Variants in C14orf39 observed in about 807,000 individuals in gnomAD.
C14orf39 encodes the protein chromosome 14 open reading frame 39, also known as protein SIX6OS1.
A neutral mutation model predicts 85.6 loss-of-function variants in C14orf39; 66 were observed. The observed-to-expected ratio is 0.77, with a 90% CI of 0.63 to 0.95. The LOEUF is 0.95. Ranked by LOEUF, C14orf39 falls within the 40% of genes least tolerant of loss-of-function variation. The pLI is 0.00. For missense variants in C14orf39, 735 were observed against 663.9 expected (o/e 1.11, Z -1.18); for synonymous variants, 242 against 214.0 (o/e 1.13, Z -1.14).
At position 60,509,489 on chromosome 14, in the gene C14orf39, G is replaced by C. The variant is rs1296136036; in HGVS notation, c.-144+5906C>G. 2.5e-6 allele frequency: 4 copies of C among 1,602,368 alleles called. No homozygotes were observed. The African/African-American group carries it at 5.3e-5, about 21-fold the overall frequency. On this transcript the variant is annotated intron_variant, in intron 1 of 5. Transcript: ENST00000556799. ...AGAGAGCGGCGATGTGGAGCGCCTG[G>C]GTCGCTTCCTCTGGTCGCTGCCCGT...
intron 16 of C14orf39, among the ~76,000 whole-genome samples, chr14:60,453,492 T>C (rs1228691601): frequency 6.6e-6 from 1 of 151,840 alleles, no homozygotes; most frequent in Non-Finnish European, 1.5e-5. Flanking sequence ...TTGCTTTTTT[T>C]TTTTCCATTC....
At position 60,435,962 on chromosome 14, in the gene C14orf39, C is replaced by CA. The variant is rs1285329032; in HGVS notation, c.*882dup. On this transcript the variant is annotated 3_prime_UTR_variant, in exon 18 of 18. Coordinates refer to ENST00000321731, the MANE Select transcript of C14orf39 (RefSeq NM_174978.3). ...CAACAGTCACATCAAAATATGGAGTCAAACCCTTTATTACTTGGTAACTCA... is the reference window on the plus strand; with the variant it reads ...CAACAGTCACATCAAAATATGGAGTCAAAACCCTTTATTACTTGGTAACTCA... 18 of 152,048 alleles carry CA rather than the reference C, an allele frequency of 1.2e-4. No homozygotes were observed. Among genetic ancestry groups the CA allele is most frequent in the Non-Finnish European group, 2.4e-4 (16 of 68,006 alleles). 9.4% of individuals were successfully genotyped at this position (152,048 alleles called of 1,614,324 possible).
At chr14:60,438,163 A>G (rs1033752529) in intron 17 of C14orf39, among the ~76,000 whole-genome samples, 2 of 152,012 alleles carry the variant, frequency 1.3e-5, no homozygotes, top group Non-Finnish European at 2.9e-5. Flanking sequence ...CATATATTTA[A>G]TAACTTTATT....
At chr14:60,438,641 G>A (rs1047462496) in intron 17 of C14orf39, among the ~76,000 whole-genome samples, 1 of 152,066 alleles carries the variant, frequency 6.6e-6, no homozygotes, top group Non-Finnish European at 1.5e-5. Context: ...TATAAATAAT[G>A]ATGGTAGAAT....
chr14:60,443,907 G>A (rs1452245689), intron 16 of C14orf39, among the ~76,000 whole-genome samples: 1 of 152,232 alleles, frequency 6.6e-6, no homozygotes, highest in Non-Finnish European at 1.5e-5. Context: ...GGCAAACAGG[G>A]TCTGGAGTGG....
intron 5 of C14orf39, among the ~76,000 whole-genome samples, chr14:60,476,972 G>A (rs749142776): frequency 7.9e-5 from 12 of 152,228 alleles, no homozygotes; most frequent in Non-Finnish European, 1.3e-4. Flanking sequence ...ACAAATGTGC[G>A]GGATACATAG....
At position 60,442,105 on chromosome 14, in the gene C14orf39, A is replaced by G; in HGVS notation, c.1530T>C (p.Asn510=). 6.2e-7 allele frequency: 1 copy of G among 1,610,312 alleles called. No homozygotes were observed. Among genetic ancestry groups the G allele is most frequent in the Non-Finnish European group, 8.5e-7 (1 of 1,177,356 alleles). The change falls in exon 17 of 18, where the codon AAT becomes AAC. Residue 510 remains asparagine, a synonymous_variant. Transcript: ENST00000321731. ...DQFNEHYSAR[N]LNPLSSEQEI... The stretch of plus-strand genomic sequence containing the variant: ...CTTGCTCTGATGACAGAGGATTTAG[A>G]TTTCTTGCAGAATAATGTTCATTAA...
chr14:60,481,458 A>G (rs1892634920), intron 4 of C14orf39, among the ~76,000 whole-genome samples: 1 of 152,074 alleles, frequency 6.6e-6, no homozygotes, highest in South Asian at 2.1e-4. Context: ...GGAGTTCGAG[A>G]CCAGCCTGAG....
At chr14:60,463,674 C>A (rs1039644880) in intron 11 of C14orf39, among the ~76,000 whole-genome samples, 1 of 152,058 alleles carries the variant, frequency 6.6e-6, no homozygotes, top group African/African-American at 2.4e-5. Context: ...CTTTATCTTG[C>A]TAGTTTTTTG....
chr14:60,445,711 C>T (rs1890734270), intron 16 of C14orf39, among the ~76,000 whole-genome samples: 1 of 152,164 alleles, frequency 6.6e-6, no homozygotes, highest in Admixed American at 6.5e-5. Flanking sequence ...ACCAAATGGG[C>T]CTAATAGACA....
intron 16 of C14orf39, among the ~76,000 whole-genome samples, chr14:60,446,217 C>A (rs533554357): frequency 6.6e-6 from 1 of 152,068 alleles, no homozygotes; most frequent in Non-Finnish European, 1.5e-5. Context: ...AAGATCAGAG[C>A]AGAACTGAAG....
In C14orf39 at chr14:60,511,587, A is replaced by C. The variant is rs1893295255; in HGVS notation, c.-144+3808T>G. On this transcript the variant is annotated intron_variant, in intron 1 of 5. Transcript: ENST00000556799. ...GCCCAGATTCTCCCATGGGTATTTC[A>C]CGTCGAAAGGACGCTGTTACATATG... 1.0e-5 allele frequency: 5 copies of C among 489,558 alleles called. No homozygotes were observed. The East Asian group carries it at 1.9e-4, about 19-fold the overall frequency. 30.3% of individuals were successfully genotyped at this position (489,558 alleles called of 1,614,324 possible). A position where few individuals can be genotyped will look rare whatever the true frequency, so the allele number is the denominator to read the frequency against.
rs145125173 is a variant in C14orf39, at chr14:60,446,591, C to T, written c.1504-4460G>A. Among the ~76,000 whole-genome samples, 853 of 152,118 alleles carry T rather than the reference C, an allele frequency of 5.6e-3. 2 individuals are homozygous for T. The highest frequency in any genetic ancestry group is 0.018 in the African/African-American group (761 of 41,518). On this transcript the variant is annotated intron_variant, in intron 16 of 17. Coordinates refer to ENST00000321731, the MANE Select transcript of C14orf39 (RefSeq NM_174978.3). ...CAACCAAAAAAAGTCCAGGACCAGA[C>T]GGAATCACAACCAAATTCTACCACA...
chr14:60,470,448 T>G (rs1179434934), intron 7 of C14orf39, among the ~76,000 whole-genome samples: 1 of 151,938 alleles, frequency 6.6e-6, no homozygotes, highest in African/African-American at 2.4e-5. Flanking sequence ...ATAAGTCTAT[T>G]ATTATCAAGT....
intron 1 of C14orf39, chr14:60,509,965 G>A: frequency 3.1e-6 from 5 of 1,600,572 alleles, no homozygotes; most frequent in East Asian, 4.6e-5. Flanking sequence ...CTGCAGCCAA[G>A]AACAGGTCGG....
chr14:60,479,547 T>G (rs1015907416), intron 4 of C14orf39, among the ~76,000 whole-genome samples: 1 of 152,178 alleles, frequency 6.6e-6, no homozygotes, highest in Non-Finnish European at 1.5e-5. Context: ...AAATAAAAAT[T>G]GGAATTATTT....
intron 16 of C14orf39, among the ~76,000 whole-genome samples, chr14:60,443,853 T>C (rs1890636702): frequency 6.6e-6 from 1 of 152,170 alleles, no homozygotes; most frequent in Non-Finnish European, 1.5e-5. Context: ...ATATTTGCTG[T>C]TCTGCAATAT....
intron 11 of C14orf39, among the ~76,000 whole-genome samples, chr14:60,462,345 C>T (rs891645166): frequency 1.3e-5 from 2 of 152,038 alleles, no homozygotes; most frequent in African/African-American, 2.4e-5. Context: ...GCCATGATCG[C>T]GCCACTACAC....
chr14:60,507,029 C>A (rs1247107157), intron 1 of C14orf39, among the ~76,000 whole-genome samples: 2 of 152,156 alleles, frequency 1.3e-5, no homozygotes, highest in Non-Finnish European at 2.9e-5. Flanking sequence ...GGGGCATGGA[C>A]AACCTCTCCC....
Sources: allele counts gnomAD v4.1 joint callset (sites outside exome capture counted in the v4.1 genomes callset), GRCh38; gene constraint gnomAD v4.1.1; transcripts MANE v1.5; gene names NCBI Gene and HGNC (gene_info 2026-07-23, HGNC 2026-07-21).